GALC: variants seen among roughly 807,000 people sequenced by gnomAD.
GALC encodes galactocerebrosidase.
A neutral mutation model predicts 91.8 loss-of-function variants in GALC; 77 were observed. That is an observed-to-expected ratio of 0.84 (90% confidence interval 0.70 to 1.01). GALC has a LOEUF of 1.01. Among genes scored for constraint, GALC ranks in the 50% least tolerant of loss-of-function variants. The pLI, the probability that GALC is intolerant of heterozygous loss-of-function variation, is 0.00. For missense variants in GALC, 882 were observed against 855.9 expected (o/e 1.03, Z -0.38); for synonymous variants, 357 against 306.7 (o/e 1.16, Z -1.71).
intron 8 of GALC, among the ~76,000 whole-genome samples, 186 bp downstream of exon 8, chr14:87,968,149 A>C (rs181043332): frequency 1.4e-4 from 22 of 152,276 alleles, no homozygotes; most frequent in African/African-American, 5.3e-4. Flanking sequence ...TTTAATATAG[A>C]CTATATTCAA....
Position 87,986,485 on chromosome 14 carries a change from T to C in GALC, c.442+4A>G, listed in dbSNP as rs753169234. The C allele has an allele frequency of 6.5e-7, 1 of 1,534,612 alleles. No individual in the cohort carries two copies. The highest frequency in any genetic ancestry group is 9.0e-7 in the Non-Finnish European group (1 of 1,107,746). On this transcript the variant is annotated splice_donor_region_variant and intron_variant, in intron 4 of 16. Coordinates refer to ENST00000261304, the MANE Select transcript of GALC (RefSeq NM_000153.4). ...GAAGAAACATTGCAAACTTCATTTC[T>C]TACCAATGAGTGTAATATTGGGATT... is the stretch of plus-strand genomic sequence containing the variant.
chr14:87,934,084 T>C lies in GALC; in HGVS notation c.*648A>G. 6.6e-7 allele frequency: 1 copy of C among 1,524,170 alleles called. No individual in the cohort carries two copies. The highest frequency in any genetic ancestry group is 8.8e-7 in the Non-Finnish European group (1 of 1,138,252). The allele number at this position is 1,524,170 out of a possible 1,614,324, so 94.4% of individuals were successfully genotyped here. On this transcript the variant is annotated 3_prime_UTR_variant, in exon 17 of 17. Transcript: ENST00000261304. ...AATTAAATAATGCAAATAACCCAAT[T>C]AATCTGCTAATATCTATTACTGCAG...
At chr14:87,953,615 C>T in intron 10 of GALC, 1 of 1,609,760 alleles carries the variant, frequency 6.2e-7, no homozygotes, top group South Asian at 1.1e-5. Flanking sequence ...CACAAAAGTG[C>T]TATTAAAAGA....
chr14:87,954,972 C>T, intron 10 of GALC: 2 of 1,451,676 alleles, frequency 1.4e-6, no homozygotes, highest in Non-Finnish European at 1.9e-6. Context: ...TTCTTCTCAA[C>T]ATTTTTGCAG....
intron 7 of GALC, among the ~76,000 whole-genome samples, chr14:87,972,527 T>G (rs1357910017): frequency 6.6e-6 from 1 of 152,196 alleles, no homozygotes; most frequent in Non-Finnish European, 1.5e-5. Context: ...TATCCGATGA[T>G]TTTTGTACTT....
chr14:87,953,605 C>G (rs1165945679), intron 10 of GALC: 2 of 1,609,510 alleles, frequency 1.2e-6, no homozygotes, highest in Non-Finnish European at 1.7e-6. Context: ...AAACACCTTC[C>G]ACAAAAGTGC....
At chr14:87,976,523 A>C in intron 6 of GALC, 35 bp from the exon 7 acceptor site, 1 of 1,568,604 alleles carries the variant, frequency 6.4e-7, no homozygotes, top group South Asian at 1.1e-5. Flanking sequence ...ATGAAAGGAT[A>C]CAAATGAATT....
At chr14:87,988,656 A>G in intron 1 of GALC, 133 bp from the exon 2 acceptor site, 1 of 744,152 alleles carries the variant, frequency 1.3e-6, no homozygotes, top group South Asian at 1.4e-5. Context: ...AAAGTTCCTC[A>G]CAAGTTGTCT....
chr14:87,934,987 C>G (rs912303959), intron 16 of GALC, 109 bp from the exon 17 acceptor site: 6 of 781,180 alleles, frequency 7.7e-6, no homozygotes, highest in Admixed American at 5.9e-5. Context: ...GTACTACTCA[C>G]TCAAGACTTA....
chr14:87,934,087 T>C lies in GALC; in HGVS notation c.*645A>G, dbSNP rs1405614605. Reference sequence around the variant, plus strand: ...TAAATAATGCAAATAACCCAATTAATCTGCTAATATCTATTACTGCAGAAA... The same window carrying C: ...TAAATAATGCAAATAACCCAATTAACCTGCTAATATCTATTACTGCAGAAA... On this transcript the variant is annotated 3_prime_UTR_variant, in exon 17 of 17. Coordinates refer to ENST00000261304, the MANE Select transcript of GALC (RefSeq NM_000153.4). The C allele has an allele frequency of 6.6e-7, 1 of 1,522,106 alleles. No individual in the cohort carries two copies. The highest frequency in any genetic ancestry group is 1.4e-5 in the African/African-American group (1 of 72,560). The allele number at this position is 1,522,106 out of a possible 1,614,324, so 94.3% of individuals were successfully genotyped here.
At chr14:87,940,116 T>C in intron 15 of GALC, 135 bp from the exon 16 acceptor site, 1 of 759,416 alleles carries the variant, frequency 1.3e-6, no homozygotes, top group Non-Finnish European at 2.4e-6. Flanking sequence ...GTCCCTTCAT[T>C]CCCAGATCTA....
At chr14:87,970,775 A>C (rs1309033809) in intron 7 of GALC, among the ~76,000 whole-genome samples, 2 of 149,704 alleles carry the variant, frequency 1.3e-5, no homozygotes, top group Non-Finnish European at 3.0e-5. Context: ...AGGCTGAGGC[A>C]GGAGAATGGC....
chr14:87,992,397 G>A, intron 1 of GALC: 14 of 1,535,614 alleles, frequency 9.1e-6, no homozygotes, highest in Non-Finnish European at 1.1e-5. Flanking sequence ...AGACCTTGAG[G>A]CACCAGTCCT....
chr14:87,969,769 T>C (rs1886207613), intron 7 of GALC, among the ~76,000 whole-genome samples: 1 of 152,162 alleles, frequency 6.6e-6, no homozygotes, highest in Non-Finnish European at 1.5e-5. Context: ...TAGGAAAAAA[T>C]CCTATTTGGT....
intron 1 of GALC, chr14:87,992,408 G>A (rs2139767457): frequency 6.5e-7 from 1 of 1,535,584 alleles, no homozygotes. Flanking sequence ...CACCAGTCCT[G>A]CCTCCAAACG....
chr14:87,933,137 C>T lies in GALC; in HGVS notation c.*1595G>A, dbSNP rs1265576781. On this transcript the variant is annotated 3_prime_UTR_variant, in exon 17 of 17. Transcript: ENST00000261304. The stretch of plus-strand genomic sequence containing the variant: ...AGGAACAAACCACTGAATCACACAA[C>T]ATGGACAAATCTCAAATCATTATGC... The T allele has an allele frequency of 6.6e-6, 1 of 152,170 alleles. No homozygotes were observed. Among genetic ancestry groups the T allele is most frequent in the African/African-American group, 2.4e-5 (1 of 41,434 alleles). The allele number at this position is 152,170 out of a possible 1,614,324, so 9.4% of individuals were successfully genotyped here.
At position 87,947,824 on chromosome 14, in the gene GALC, T is replaced by A. The variant is rs749555411; in HGVS notation, c.1393A>T (p.Thr465Ser). The change falls in exon 13 of 17, where the codon ACA becomes TCA. Residue 465 changes from threonine (T) to serine (S), a missense_variant. Thr to Ser is a moderately conservative substitution (Grantham distance 58). Transcript: ENST00000261304. The stretch of plus-strand genomic sequence containing the variant: ...CGACCAGTGGTGAGAGTGGTGAGTG[T>A]GAACAGCTCATCTTCATGCAGGCTC... ...TLSLHEDELF[T>S]LTTLTTGRKG... is the part of the protein sequence containing the mutation. 7 of 1,612,658 alleles carry A rather than the reference T, an allele frequency of 4.3e-6. No homozygotes were observed. In the African/African-American group the frequency reaches 8.0e-5, roughly 18 times the overall value.
intron 10 of GALC, among the ~76,000 whole-genome samples, chr14:87,962,281 G>A (rs1434093253): frequency 6.6e-6 from 1 of 152,042 alleles, no homozygotes; most frequent in Non-Finnish European, 1.5e-5. Flanking sequence ...TAGGTCTTTG[G>A]AGGATCACTT....
upstream of GALC, chr14:87,993,204 C>T (rs1046044800): frequency 1.3e-6 from 2 of 1,553,658 alleles, no homozygotes; most frequent in African/African-American, 1.4e-5. Flanking sequence ...GGAGGCGGGT[C>T]CCGTCGCCGC....
Sources: allele counts gnomAD v4.1 joint callset (sites outside exome capture counted in the v4.1 genomes callset), GRCh38; gene constraint gnomAD v4.1.1; transcripts MANE v1.5; gene names NCBI Gene and HGNC (gene_info 2026-07-23, HGNC 2026-07-21).